The following NUP50 variants were observed in gnomAD, a reference collection of about 807,000 sequenced individuals.
NUP50 encodes nuclear pore complex protein Nup50.
Under a neutral mutation model 36.8 loss-of-function variants are expected in NUP50, and 14 were observed. That is an observed-to-expected ratio of 0.38 (90% CI 0.25 to 0.59). The LOEUF (loss-of-function observed/expected upper bound fraction) is 0.59. Ranked by LOEUF, NUP50 falls within the 20% of genes least tolerant of loss-of-function variation. NUP50 has a pLI of 0.63. For missense variants in NUP50, 455 were observed against 564.6 expected (o/e 0.81, Z 1.97); for synonymous variants, 195 against 210.8 (o/e 0.93, Z 0.65).
At position 45,168,339 on chromosome 22, in the gene NUP50, A is replaced by G. The variant is rs1168525588; in HGVS notation, c.69+93A>G. The G allele has an allele frequency of 6.8e-6, 6 of 882,700 alleles. No individual in the cohort carries two copies. The Admixed American group carries it at 1.5e-4, about 22-fold the overall frequency. The allele number at this position is 882,700 out of a possible 1,614,324, so 54.7% of individuals were successfully genotyped here. A position where few individuals can be genotyped will look rare whatever the true frequency, so the allele number is the denominator to read the frequency against. The stretch of plus-strand genomic sequence containing the variant: ...TCATGAAGACTTGTGACAGAACTAA[A>G]AGACCTTTCTAAGAACATCATGAAT... On this transcript the variant is annotated intron_variant, in intron 2 of 7. Coordinates refer to ENST00000347635, the MANE Select transcript of NUP50 (RefSeq NM_007172.4).
chr22:45,173,077 G>C (rs1233506974), intron 3 of NUP50, among the ~76,000 whole-genome samples: 1 of 152,142 alleles, frequency 6.6e-6, no homozygotes, highest in South Asian at 2.1e-4. Flanking sequence ...ATTTCCTGAC[G>C]TTGTAAAAGC....
At position 45,185,928 on chromosome 22, in the gene NUP50, GC is replaced by G. The variant is rs1482943130; in HGVS notation, c.*1276del. On this transcript the variant is annotated 3_prime_UTR_variant, in exon 8 of 8. Coordinates refer to ENST00000347635, the MANE Select transcript of NUP50 (RefSeq NM_007172.4). ...TCTTGTGTACAGGCTCAGGGTCAGTGCCCAAGGGCTCCCGCGTGTGTGTTCT... is the reference window on the plus strand; with the variant it reads ...TCTTGTGTACAGGCTCAGGGTCAGTGCCAAGGGCTCCCGCGTGTGTGTTCT... The G allele has an allele frequency of 6.6e-6, 1 of 152,276 alleles. No homozygotes were observed. Among genetic ancestry groups the G allele is most frequent in the Non-Finnish European group, 1.5e-5 (1 of 68,072 alleles). 9.4% of individuals were successfully genotyped at this position (152,276 alleles called of 1,614,324 possible). A position where few individuals can be genotyped will look rare whatever the true frequency, so the allele number is the denominator to read the frequency against.
At chr22:45,174,757 A>G (rs1349334166) in intron 3 of NUP50, among the ~76,000 whole-genome samples, 1 of 152,248 alleles carries the variant, frequency 6.6e-6, no homozygotes, top group East Asian at 1.9e-4. Flanking sequence ...GTAGAGCAAC[A>G]GAATCTAAGC....
chr22:45,187,796 C>T lies in NUP50; in HGVS notation c.*3141C>T, dbSNP rs916029176. On this transcript the variant is annotated 3_prime_UTR_variant, in exon 8 of 8. Coordinates refer to ENST00000347635, the MANE Select transcript of NUP50 (RefSeq NM_007172.4). ...ATCATACTGAGGACGAAGGACTCTC[C>T]GTTTGATGCAGACACAATTGTAATG... The T allele has an allele frequency of 2.0e-5, 3 of 152,644 alleles. No homozygotes were observed. Among genetic ancestry groups the T allele is most frequent in the East Asian group, 3.9e-4 (2 of 5,182 alleles). 9.5% of individuals were successfully genotyped at this position (152,644 alleles called of 1,614,324 possible). A position where few individuals can be genotyped will look rare whatever the true frequency, so the allele number is the denominator to read the frequency against.
At chr22:45,184,171 G>A in intron 7 of NUP50, 1 of 445,356 alleles carries the variant, frequency 2.2e-6, no homozygotes. Context: ...TGTTGAGAGG[G>A]CTGACGGTTC....
chr22:45,183,564 T>G, intron 7 of NUP50, 44 bp downstream of exon 7: 1 of 1,222,932 alleles, frequency 8.2e-7, no homozygotes, highest in Non-Finnish European at 1.2e-6. Flanking sequence ...CATCACATAG[T>G]ATATAAAAGC....
chr22:45,167,430 C>G (rs1469646365), intron 1 of NUP50, among the ~76,000 whole-genome samples: 1 of 152,188 alleles, frequency 6.6e-6, no homozygotes, highest in African/African-American at 2.4e-5. Flanking sequence ...TGGTTAGGTG[C>G]CGGAATCCAC....
chr22:45,183,893 AAGGATCCTAGTGCCCGGAGGAGG>A (rs2074424418), intron 7 of NUP50: 1 of 227,820 alleles, frequency 4.4e-6, no homozygotes, highest in Admixed American at 5.2e-5. Flanking sequence ...AGTCCACTGC[AAGGATCCTAGTGCCCGGAGGAGG>A]AGGAAGACGG....
chr22:45,171,662 G>A lies in NUP50; in HGVS notation c.132G>A (p.Lys44=). The A allele has an allele frequency of 6.2e-7, 1 of 1,614,160 alleles. No homozygotes were observed. The highest frequency in any genetic ancestry group is 8.5e-7 in the Non-Finnish European group (1 of 1,180,000). ...VLKNRAIKKA[K]RRNVGFESDT... ...AGAATAGAGCCATAAAGAAAGCAAA[G>A]CGCAGAAATGTTGGATTTGAAGTGA... The change falls in exon 3 of 8, where the codon AAG becomes AAA. Residue 44 remains lysine (K), a synonymous_variant. Coordinates refer to ENST00000347635, the MANE Select transcript of NUP50 (RefSeq NM_007172.4).
chr22:45,181,262 G>T (rs1199201513), intron 5 of NUP50, 24 bp from the exon 6 acceptor site: 4 of 1,545,470 alleles, frequency 2.6e-6, no homozygotes, highest in Non-Finnish European at 3.5e-6. Flanking sequence ...GAATCTTACT[G>T]AATTATTGTC....
At chr22:45,178,154 A>C (rs1972575858) in intron 4 of NUP50, 84 bp from the exon 5 acceptor site, 5 of 1,223,770 alleles carry the variant, frequency 4.1e-6, no homozygotes, top group Non-Finnish European at 5.8e-6. Context: ...AAAAGCAGAA[A>C]GTATGAAGGC....
In NUP50 at chr22:45,184,598, A is replaced by C. The variant is rs754111715; in HGVS notation, c.1350A>C (p.Lys450Asn). Residue 450 changes from lysine to asparagine, a missense_variant, in exon 8 of 8, where the codon AAA becomes AAC. Around this residue, in one of 3 missense-constraint regions of NUP50, gnomAD observed 287 missense variants for 345.5 expected, o/e 0.83. Coordinates refer to ENST00000347635, the MANE Select transcript of NUP50 (RefSeq NM_007172.4). Reference protein sequence around the residue: ...TMPVTMLIRVKTSEDADELHK... With the variant: ...TMPVTMLIRVNTSEDADELHK... The stretch of plus-strand genomic sequence containing the variant: ...CAGTCACCATGTTGATTCGGGTAAA[A>C]ACCAGCGAGGATGCAGACGAGTTGC... The C allele has an allele frequency of 2.5e-6, 4 of 1,613,414 alleles. No individual in the cohort carries two copies.
At chr22:45,172,738 G>C (rs1055865100) in intron 3 of NUP50, among the ~76,000 whole-genome samples, 5 of 152,176 alleles carry the variant, frequency 3.3e-5, no homozygotes, top group African/African-American at 1.2e-4. Context: ...AAAACGTAAG[G>C]AAGGGAGCCA....
rs781272108 is a variant in NUP50 at position 45,184,518 on chromosome 22, G to A, written c.1270G>A (p.Val424Ile). 14 of 1,613,588 alleles carry A rather than the reference G, an allele frequency of 8.7e-6. No individual in the cohort carries two copies. The highest frequency in any genetic ancestry group is 5.5e-5 in the South Asian group (5 of 91,082). Residue 424 changes from valine to isoleucine, a missense_variant, in exon 8 of 8, where the codon GTT (valine) becomes ATT (isoleucine). Val to Ile is a conservative substitution (Grantham distance 29). This residue lies in a region of NUP50 where 287 missense variants were observed against 345.5 expected (regional missense o/e 0.83). Coordinates refer to ENST00000347635, the MANE Select transcript of NUP50 (RefSeq NM_007172.4). Reference sequence around the variant, plus strand: ...ATGTACGCGAACAGGGAAGAATAACGTTCTTATCGTCTGTGTTCCAAATCC... The same window carrying A: ...ATGTACGCGAACAGGGAAGAATAACATTCTTATCGTCTGTGTTCCAAATCC... ...MPCTRTGKNNVLIVCVPNPPI... is the reference protein window; with the variant it reads ...MPCTRTGKNNILIVCVPNPPI...
At chr22:45,171,133 T>A in intron 2 of NUP50, 1 of 1,237,916 alleles carries the variant, frequency 8.1e-7, no homozygotes, top group Non-Finnish European at 1.0e-6. Context: ...CCGTGGCCTT[T>A]CGTACAGTGG....
Position 45,170,059 on chromosome 22 carries a change from G to T in NUP50, c.70-1541G>T, listed in dbSNP as rs570841811. On this transcript the variant is annotated intron_variant, in intron 2 of 7. Coordinates refer to ENST00000347635, the MANE Select transcript of NUP50 (RefSeq NM_007172.4). ...TAAGTGCATAGAAGAAAATGCTGAC[G>T]TACGCCGCCTTCCTTCTCTGCTTCA... Among the ~76,000 whole-genome samples, 19 of 152,282 alleles carry T rather than the reference G, an allele frequency of 1.2e-4. 1 individual carries two copies. The highest frequency in any genetic ancestry group is 2.1e-4 in the Non-Finnish European group (14 of 68,024).
chr22:45,186,494 G>A lies in NUP50; in HGVS notation c.*1839G>A, dbSNP rs2083448607. 6.6e-6 allele frequency: 1 copy of A among 152,304 alleles called. No individual in the cohort carries two copies. The highest frequency in any genetic ancestry group is 2.1e-4 in the South Asian group (1 of 4,830). The allele number at this position is 152,304 out of a possible 1,614,324, so 9.4% of individuals were successfully genotyped here. On this transcript the variant is annotated 3_prime_UTR_variant, in exon 8 of 8. Coordinates refer to ENST00000347635, the MANE Select transcript of NUP50 (RefSeq NM_007172.4). ...CACACATGCTTCCCTGGTACCAGCTGGAATCAGCAGCTCACAGGCATCTTC... is the reference window on the plus strand; with the variant it reads ...CACACATGCTTCCCTGGTACCAGCTAGAATCAGCAGCTCACAGGCATCTTC...
intron 2 of NUP50, among the ~76,000 whole-genome samples, 182 bp from the exon 3 acceptor site, chr22:45,171,418 C>G (rs529363317): frequency 1.3e-5 from 2 of 152,314 alleles, no homozygotes; most frequent in African/African-American, 4.8e-5. Flanking sequence ...AGACTGGTCT[C>G]AAACTCCTGA....
At chr22:45,171,890 A>G (rs945099971) in intron 3 of NUP50, 7 of 490,154 alleles carry the variant, frequency 1.4e-5, no homozygotes, top group African/African-American at 7.7e-5. Flanking sequence ...TAAGATAAAT[A>G]TAGACAAATT....
Sources: allele counts gnomAD v4.1 joint callset (sites outside exome capture counted in the v4.1 genomes callset), GRCh38; gene constraint gnomAD v4.1.1; regional missense constraint gnomAD v4.1.1; transcripts MANE v1.5; gene names NCBI Gene and HGNC (gene_info 2026-07-23, HGNC 2026-07-21).